The following LRTM3 variants were observed in gnomAD, a reference collection of about 807,000 sequenced individuals.
The protein encoded by LRTM3 is leucine-rich repeat transmembrane protein 3.
the LRTM3 span, chr13:102,748,372 G>T: frequency 8.4e-6 from 13 of 1,550,638 alleles, no homozygotes; most frequent in African/African-American, 1.6e-4. Flanking sequence ...TATGCATTTT[G>T]CTTCCTGGGG....
the LRTM3 span, chr13:102,733,943 C>T: frequency 1.7e-5 from 26 of 1,551,214 alleles, 1 homozygote; most frequent in South Asian, 1.4e-4. Flanking sequence ...ATGGAGAGTT[C>T]GCTGTGGACA....
At chr13:102,750,414 A>G in the LRTM3 span, 30 of 1,258,448 alleles carry the variant, frequency 2.4e-5, no homozygotes, top group Non-Finnish European at 3.0e-5. Context: ...ACAGTGTACA[A>G]ATGAATATTA....
At chr13:102,758,586 T>C in the LRTM3 span, 3 of 1,543,954 alleles carry the variant, frequency 1.9e-6, no homozygotes, top group Non-Finnish European at 2.6e-6. Context: ...TCTATTTTAA[T>C]GGAAAAAAAA....
the LRTM3 span, chr13:102,745,435 A>C: frequency 6.4e-7 from 1 of 1,550,896 alleles, no homozygotes; most frequent in Non-Finnish European, 8.7e-7. Flanking sequence ...CATATGTTTC[A>C]TCTACCCCCT....
chr13:102,743,016 T>A, the LRTM3 span: 1 of 1,547,548 alleles, frequency 6.5e-7, no homozygotes, highest in Non-Finnish European at 8.7e-7. Context: ...CCTTTGTAAA[T>A]CTGACTTTTT....
the LRTM3 span, chr13:102,749,577 G>A: frequency 6.4e-7 from 1 of 1,551,306 alleles, no homozygotes. Flanking sequence ...ACAATTGATG[G>A]AACTTCAACA....
the LRTM3 span, chr13:102,736,244 C>T: frequency 2.6e-6 from 4 of 1,550,246 alleles, no homozygotes; most frequent in South Asian, 4.8e-5. Context: ...ATGAGGACGT[C>T]CTGTCCTGTC....
At chr13:102,749,185 T>C in the LRTM3 span, 1 of 1,550,652 alleles carries the variant, frequency 6.4e-7, no homozygotes, top group Non-Finnish European at 8.7e-7. Flanking sequence ...TGATTTGAAA[T>C]ACTTGTGAAG....
At chr13:102,730,408 C>A in the LRTM3 span, 4 of 1,550,784 alleles carry the variant, frequency 2.6e-6, no homozygotes, top group African/African-American at 5.5e-5. Context: ...CTTCAGAAAT[C>A]TGAGTTTCAC....
At chr13:102,751,128 C>G in the LRTM3 span, among the ~76,000 whole-genome samples, 1 of 152,068 alleles carries the variant, frequency 6.6e-6, no homozygotes, top group African/African-American at 2.4e-5. Flanking sequence ...GTGAGAAAAG[C>G]AGATTGTTCT....
At chr13:102,747,109 A>C in the LRTM3 span, 1 of 1,550,968 alleles carries the variant, frequency 6.4e-7, no homozygotes, top group Non-Finnish European at 8.7e-7. Flanking sequence ...CTTGCAATTT[A>C]GCATCTAGTG....
At chr13:102,731,745 G>T in the LRTM3 span, 1 of 1,551,294 alleles carries the variant, frequency 6.4e-7, no homozygotes, top group Non-Finnish European at 8.7e-7. Context: ...GGCGGTATGG[G>T]CACAGTTCCT....
chr13:102,743,192 A>G, the LRTM3 span: 1 of 1,550,566 alleles, frequency 6.4e-7, no homozygotes, highest in Non-Finnish European at 8.7e-7. Context: ...TGCTCCCTTT[A>G]CCAAGTTGGA....
At chr13:102,750,494 CATAGAG>C in the LRTM3 span, 1 of 648,348 alleles carries the variant, frequency 1.5e-6, no homozygotes, top group Non-Finnish European at 2.5e-6. Context: ...AACAGATCAG[CATAGAG>C]ATAAATTGGA....
the LRTM3 span, chr13:102,737,424 T>G: frequency 6.4e-7 from 1 of 1,550,856 alleles, no homozygotes; most frequent in South Asian, 1.2e-5. Flanking sequence ...GTTTCCTGTT[T>G]ACTCTTGTGT....
At chr13:102,729,689 A>G in the LRTM3 span, 1 of 1,551,854 alleles carries the variant, frequency 6.4e-7, no homozygotes, top group Non-Finnish European at 8.7e-7. Flanking sequence ...ATAGAAGTTG[A>G]TATCGTCATG....
At chr13:102,745,285 G>A in the LRTM3 span, 1 of 1,550,636 alleles carries the variant, frequency 6.4e-7, no homozygotes, top group Admixed American at 2.0e-5. Flanking sequence ...TTTCTTTAAT[G>A]TCACGTGAAG....
chr13:102,742,123 A>G, the LRTM3 span: 2 of 1,550,376 alleles, frequency 1.3e-6, no homozygotes, highest in East Asian at 2.4e-5. Context: ...TGCTAGACAC[A>G]CAGTATCCAG....
At chr13:102,750,198 A>G in the LRTM3 span, 1 of 1,551,252 alleles carries the variant, frequency 6.4e-7, no homozygotes, top group Non-Finnish European at 8.7e-7. Context: ...GAATAAAACA[A>G]TGGCAAAGAT....
Sources: gnomAD v4.1 joint callset for allele counts (sites outside exome capture counted in the v4.1 genomes callset) on GRCh38, gnomAD v4.1.1 for gene constraint, MANE v1.5 for transcripts, NCBI Gene and HGNC (gene_info 2026-07-23, HGNC 2026-07-21) for gene names.